Variants in PAPLN observed in about 807,000 individuals in gnomAD.
The protein encoded by PAPLN is papilin, proteoglycan like sulfated glycoprotein, also known as papilin.
A neutral mutation model predicts 159.0 loss-of-function variants in PAPLN; 146 were observed. The ratio of observed to expected loss-of-function variants is 0.92; its 90% confidence interval spans 0.80 to 1.05. The LOEUF (loss-of-function observed/expected upper bound fraction) is 1.05. Ranked by LOEUF, PAPLN falls within the 50% of genes least tolerant of loss-of-function variation. The pLI is 0.00. For synonymous variants in PAPLN, 734 were observed against 702.9 expected, an observed-to-expected ratio of 1.04 and a Z score of -0.70; for missense variants, 1,720 against 1,743.9, an observed-to-expected ratio of 0.99 and a Z score of 0.24.
chr14:73,263,788 TGA>T lies in PAPLN; in HGVS notation c.2861+10_2861+11del, dbSNP rs1566703329. 1.3e-6 allele frequency: 2 copies of T among 1,598,964 alleles called. No individual in the cohort carries two copies. Among genetic ancestry groups the T allele is most frequent in the Non-Finnish European group, 1.7e-6 (2 of 1,178,690 alleles). On this transcript the variant is annotated splice_region_variant and intron_variant, in intron 20 of 26. Transcript: ENST00000644200. ...CAGCCCATCTCCTCTGACAGGTGGGTGAGAGTCCCCCCACCTCCTCTGACAGG... is the reference window on the plus strand; with the variant it reads ...CAGCCCATCTCCTCTGACAGGTGGGTGAGTCCCCCCACCTCCTCTGACAGG...
At chr14:73,253,335 GC>G in intron 11 of PAPLN, 1 of 1,023,870 alleles carries the variant, frequency 9.8e-7, no homozygotes, top group Non-Finnish European at 1.3e-6. Flanking sequence ...TTTGCATGGG[GC>G]CACAGGGCTG....
chr14:73,247,944 C>G (rs1459011547), intron 5 of PAPLN, among the ~76,000 whole-genome samples: 43 of 20,252 alleles, frequency 2.1e-3, no homozygotes, highest in Admixed American at 3.5e-3. Flanking sequence ...GTTGTGGGGA[C>G]CGTGGCTGTG....
chr14:73,245,196 T>C lies in PAPLN; in HGVS notation c.170+437T>C, dbSNP rs183167605. 26 of 208,252 alleles carry C rather than the reference T, an allele frequency of 1.2e-4. No homozygotes were observed. The East Asian group carries it at 3.4e-3, about 27-fold the overall frequency. 12.9% of individuals were successfully genotyped at this position (208,252 alleles called of 1,614,324 possible). A position where few individuals can be genotyped will look rare whatever the true frequency, so the allele number is the denominator to read the frequency against. On this transcript the variant is annotated intron_variant, in intron 3 of 26. Transcript: ENST00000644200. The surrounding 1 kb of genome is among the most constrained non-coding windows in gnomAD (Gnocchi z 4.2). ...TGGAGAAGGTGGGGCACAGAAGGAG[T>C]AGTGAGGTGCCTCTGTCCCGGTTTG...
intron 2 of PAPLN, among the ~76,000 whole-genome samples, chr14:73,241,993 A>G (rs996882914): frequency 9.2e-5 from 14 of 152,330 alleles, no homozygotes; most frequent in African/African-American, 2.9e-4. Context: ...GAGACAGGTG[A>G]GGGCAGGCCC....
chr14:73,268,455 T>C, intron 25 of PAPLN, 102 bp from the exon 26 acceptor site: 1 of 1,231,572 alleles, frequency 8.1e-7, no homozygotes, highest in Non-Finnish European at 1.1e-6. Context: ...TCTCAAGGGG[T>C]GGGAACGGTT....
chr14:73,257,411 G>GA (rs958272556), intron 14 of PAPLN, among the ~76,000 whole-genome samples: 1 of 3,924 alleles, frequency 2.5e-4, no homozygotes, highest in Non-Finnish European at 1.2e-3. Flanking sequence ...CATTATTTCA[G>GA]GGGGGGTCCT....
chr14:73,259,687 G>C (rs1886343521), intron 16 of PAPLN, 142 bp downstream of exon 16: 3 of 1,150,612 alleles, frequency 2.6e-6, no homozygotes, highest in South Asian at 2.0e-5. Flanking sequence ...TTTCCTCCCT[G>C]GGCTGCCCTG....
intron 26 of PAPLN, among the ~76,000 whole-genome samples, chr14:73,271,859 G>A (rs887244379): frequency 1.8e-5 from 2 of 112,920 alleles, no homozygotes; most frequent in Admixed American, 9.4e-5. Flanking sequence ...CAGAGGGAGA[G>A]AAAACAAGGG....
chr14:73,246,201 T>G (rs1314912792), intron 5 of PAPLN, 26 bp downstream of exon 5: 4 of 1,547,442 alleles, frequency 2.6e-6, no homozygotes, highest in Non-Finnish European at 3.5e-6. Context: ...ACTCGCTCTC[T>G]CGGGGCCTCT....
At chr14:73,246,601 T>C (rs1884383032) in intron 5 of PAPLN, among the ~76,000 whole-genome samples, 1 of 150,902 alleles carries the variant, frequency 6.6e-6, no homozygotes, top group East Asian at 1.9e-4. Flanking sequence ...TTTTTCTCTC[T>C]TCCTTTCCTT....
chr14:73,260,620 C>CA, intron 16 of PAPLN, 89 bp from the exon 17 acceptor site: 1 of 1,351,522 alleles, frequency 7.4e-7, no homozygotes, highest in Admixed American at 2.8e-5. Flanking sequence ...TGTCAGCCCC[C>CA]ACCATGGGGA....
Position 73,250,017 on chromosome 14 carries a change from A to AG in PAPLN, c.373dup (p.Glu125GlyfsTer13). 6.2e-7 allele frequency: 1 copy of AG among 1,612,286 alleles called. No homozygotes were observed. The highest frequency in any genetic ancestry group is 8.5e-7 in the Non-Finnish European group (1 of 1,179,198). On this transcript the variant is annotated frameshift_variant, in exon 6 of 27. Coordinates refer to ENST00000644200, the MANE Select transcript of PAPLN (RefSeq NM_001365906.3). LOFTEE classifies it high-confidence loss of function. Reference sequence around the variant, plus strand: ...AAGTGTGAACTGAACTGCATTCCCAAGGGGGAGAACTTCTACTACAAGCAC... The same window carrying AG: ...AAGTGTGAACTGAACTGCATTCCCAAGGGGGGAGAACTTCTACTACAAGCAC...
In PAPLN at chr14:73,264,585, C is replaced by T. The variant is rs200763562; in HGVS notation, c.2987-3C>T. 3.1e-4 allele frequency: 499 copies of T among 1,596,202 alleles called. 3 individuals carry two copies. The highest frequency in any genetic ancestry group is 6.7e-5 in the Non-Finnish European group (79 of 1,174,894). On this transcript the variant is annotated splice_polypyrimidine_tract_variant and splice_region_variant and intron_variant, in intron 21 of 26. Transcript: ENST00000644200. ...CACCTTGTTTCTCCTGGCCTCATGA[C>T]AGGGGGTGACATGGCCGTGCTGTCT... is the stretch of plus-strand genomic sequence containing the variant.
rs1464484685 is a variant in PAPLN, at chr14:73,245,585, G to C, written c.171-51G>C. On this transcript the variant is annotated intron_variant, in intron 3 of 26. Transcript: ENST00000644200. This position sits in a 1 kb window ranked among gnomAD's most constrained non-coding sequence, Gnocchi z 4.2. ...GGCCTGCAGAGAGCCCCAGAACGGG[G>C]GCAGGGACGTTGGGTCTCGGTCAGG... 22 of 1,538,026 alleles carry C rather than the reference G, an allele frequency of 1.4e-5. No homozygotes were observed. The highest frequency in any genetic ancestry group is 1.8e-5 in the Non-Finnish European group (20 of 1,140,214).
At chr14:73,264,404 C>T (rs1384246255) in intron 21 of PAPLN, 69 bp downstream of exon 21, 7 of 1,568,988 alleles carry the variant, frequency 4.5e-6, no homozygotes, top group Non-Finnish European at 6.1e-6. Context: ...GATGGGGAGC[C>T]TGACCGAGGG....
chr14:73,238,836 C>T (rs1883231650), intron 1 of PAPLN, among the ~76,000 whole-genome samples: 1 of 152,228 alleles, frequency 6.6e-6, no homozygotes, highest in East Asian at 1.9e-4. Context: ...AAGCAGAAGT[C>T]ATTTTATATC....
rs772921950 is a variant in PAPLN at position 73,253,787 on chromosome 14, C to A, written c.1128C>A (p.Ala376=). 1.2e-6 allele frequency: 2 copies of A among 1,608,374 alleles called. No homozygotes were observed. The highest frequency in any genetic ancestry group is 3.3e-5 in the Admixed American group (2 of 59,842). Residue 376 remains alanine, a synonymous_variant, in exon 12 of 27, where the codon GCC becomes GCA. Transcript: ENST00000644200. ...WKAGPWAPCS[A]SCGGGSQSRS... ...CAGGGCCATGGGCACCCTGCTCAGC[C>A]TCCTGTGGAGGAGGCTCCCAGTCCC...
In PAPLN at chr14:73,239,107, A is replaced by C. The variant is rs75917517; in HGVS notation, c.-6-666A>C. Among the ~76,000 whole-genome samples, 328 of 151,792 alleles carry C rather than the reference A, an allele frequency of 2.2e-3. 9 individuals are homozygous for C. The East Asian group carries it at 0.051, about 23-fold the overall frequency. The stretch of plus-strand genomic sequence containing the variant: ...TGCATGCACACATCAAACCACAGAC[A>C]CTCCACACACACTGCACTGCACACT... On this transcript the variant is annotated intron_variant, in intron 1 of 26. Coordinates refer to ENST00000644200, the MANE Select transcript of PAPLN (RefSeq NM_001365906.3).
At chr14:73,263,832 C>T (rs777503607) in intron 20 of PAPLN, 50 bp downstream of exon 20, 2 of 1,552,928 alleles carry the variant, frequency 1.3e-6, no homozygotes, top group East Asian at 2.4e-5. Context: ...AGCCCCCCTA[C>T]CTTCCCTGAC....
Sources: gnomAD v4.1 joint callset for allele counts (sites outside exome capture counted in the v4.1 genomes callset) on GRCh38, gnomAD v4.1.1 for gene constraint, Gnocchi (gnomAD v3.1) non-coding constraint, MANE v1.5 for transcripts, NCBI Gene and HGNC (gene_info 2026-07-23, HGNC 2026-07-21) for gene names.